Variants in SEPTIN2 observed in about 807,000 individuals in gnomAD.
The protein encoded by SEPTIN2 is septin 2, also known as septin-2.
A neutral mutation model predicts 46.5 loss-of-function variants in SEPTIN2; 34 were observed. The observed-to-expected ratio is 0.73, with a 90% confidence interval of 0.56 to 0.97. SEPTIN2 has a LOEUF of 0.97. Among genes scored for constraint, SEPTIN2 ranks in the 50% least tolerant of loss-of-function variants. SEPTIN2 has a pLI of 0.00. For synonymous variants in SEPTIN2, 175 were observed against 153.4 expected, an observed-to-expected ratio of 1.14 and a Z score of -1.04; for missense variants, 347 against 448.4, an observed-to-expected ratio of 0.77 and a Z score of 2.04.
At chr2:241,318,860 G>C (rs932126203) in intron 1 of SEPTIN2, among the ~76,000 whole-genome samples, 2 of 151,944 alleles carry the variant, frequency 1.3e-5, no homozygotes, top group African/African-American at 2.4e-5. Context: ...ACCACACCTG[G>C]CTAATTTTTG....
intron 7 of SEPTIN2, among the ~76,000 whole-genome samples, chr2:241,340,962 A>C (rs2081184379): frequency 6.6e-6 from 1 of 151,966 alleles, no homozygotes; most frequent in Admixed American, 6.6e-5. Context: ...CCTGTCATCC[A>C]CCTGCAATTG....
chr2:241,332,939 T>C (rs763314055), intron 3 of SEPTIN2, among the ~76,000 whole-genome samples: 1 of 152,156 alleles, frequency 6.6e-6, no homozygotes, highest in Non-Finnish European at 1.5e-5. Flanking sequence ...ACAAAGTAGA[T>C]TGGTGTTTGC....
At chr2:241,339,793 C>T (rs2081004162) in intron 7 of SEPTIN2, among the ~76,000 whole-genome samples, 1 of 152,174 alleles carries the variant, frequency 6.6e-6, no homozygotes, top group African/African-American at 2.4e-5. Flanking sequence ...ACGCTGCACA[C>T]AAGATTTCAC....
chr2:241,336,423 TAGAG>T (rs2079995948), intron 5 of SEPTIN2: 1 of 289,808 alleles, frequency 3.5e-6, no homozygotes, highest in Non-Finnish European at 6.5e-6. Context: ...TGAAACCTGT[TAGAG>T]AGTGGGTTGA....
At position 241,343,696 on chromosome 2, in the gene SEPTIN2, A is replaced by T. The variant is rs991614977; in HGVS notation, c.697-56A>T. ...TCTGTGCTAATGTTCTCGTGTTGCC[A>T]GTGAACTCTGGGGTTCCCTGTGTGG... On this transcript the variant is annotated intron_variant, in intron 8 of 12. Transcript: ENST00000391971. 2.3e-5 allele frequency: 37 copies of T among 1,601,724 alleles called. No homozygotes were observed. In the Admixed American group the frequency reaches 6.2e-4, roughly 27 times the overall value.
intron 7 of SEPTIN2, among the ~76,000 whole-genome samples, chr2:241,342,239 T>G (rs1406847117): frequency 6.6e-6 from 1 of 152,142 alleles, no homozygotes; most frequent in Admixed American, 6.6e-5. Flanking sequence ...GTTTTGTTTT[T>G]TTTTCTTTCT....
At chr2:241,318,702 CTTTT>C (rs1284874061) in intron 1 of SEPTIN2, among the ~76,000 whole-genome samples, 7 of 132,422 alleles carry the variant, frequency 5.3e-5, no homozygotes, top group Admixed American at 1.5e-4. Context: ...TTTGTATTTT[CTTTT>C]TTTTTTTTTT....
At chr2:241,344,902 G>GACATGGTGAAACCAGCCTGGCCA (rs977163529) in intron 9 of SEPTIN2, among the ~76,000 whole-genome samples, 1 of 151,530 alleles carries the variant, frequency 6.6e-6, no homozygotes, top group East Asian at 2.0e-4. Context: ...CAGCCTGGCC[G>GACATGGTGAAACCAGCCTGGCCA]ACATGGTGAA....
chr2:241,347,608 T>A (rs536235732), intron 10 of SEPTIN2, among the ~76,000 whole-genome samples: 6 of 152,244 alleles, frequency 3.9e-5, no homozygotes, highest in Non-Finnish European at 8.8e-5. Flanking sequence ...TTTGAGTGGG[T>A]AACAGCAAGT....
Position 241,352,746 on chromosome 2 carries a change from T to C in SEPTIN2, c.*809T>C, listed in dbSNP as rs2060877271. On this transcript the variant is annotated 3_prime_UTR_variant, in exon 13 of 13. Coordinates refer to ENST00000391971, the MANE Select transcript of SEPTIN2 (RefSeq NM_004404.5). ...ATCAAAGCAGTCATAAGCTCCAGTTTTCGTATTGCAAATAAGACTCTTACC... is the reference window on the plus strand; with the variant it reads ...ATCAAAGCAGTCATAAGCTCCAGTTCTCGTATTGCAAATAAGACTCTTACC... 1.3e-5 allele frequency: 2 copies of C among 152,228 alleles called. No individual in the cohort carries two copies. Among genetic ancestry groups the C allele is most frequent in the Non-Finnish European group, 2.9e-5 (2 of 68,044 alleles). The allele number at this position is 152,228 out of a possible 1,614,324, so 9.4% of individuals were successfully genotyped here. A position where few individuals can be genotyped will look rare whatever the true frequency, so the allele number is the denominator to read the frequency against.
intron 3 of SEPTIN2, among the ~76,000 whole-genome samples, chr2:241,332,838 C>CT (rs373035568): frequency 6.6e-6 from 1 of 152,204 alleles, no homozygotes; most frequent in African/African-American, 2.4e-5. Context: ...AGTCTCAGAG[C>CT]TTTGTTGAGC....
intron 3 of SEPTIN2, among the ~76,000 whole-genome samples, chr2:241,334,631 A>G (rs1451465867): frequency 6.6e-6 from 1 of 152,206 alleles, no homozygotes; most frequent in African/African-American, 2.4e-5. Context: ...GAGGGTGTGC[A>G]TGTGAGCCCA....
chr2:241,338,942 ATATT>A (rs1404439458), intron 7 of SEPTIN2, among the ~76,000 whole-genome samples: 4 of 97,924 alleles, frequency 4.1e-5, no homozygotes, highest in East Asian at 2.5e-4. Flanking sequence ...TTTATTATAT[ATATT>A]ATATATATAA....
intron 7 of SEPTIN2, 116 bp from the exon 8 acceptor site, chr2:241,342,876 G>A: frequency 1.5e-6 from 1 of 645,688 alleles, no homozygotes. Context: ...TTCGTCATCA[G>A]TTTGATTATT....
chr2:241,335,617 A>C (rs1421030325), intron 4 of SEPTIN2: 2 of 584,066 alleles, frequency 3.4e-6, no homozygotes, highest in Admixed American at 6.0e-5. Context: ...CTGTTGAATG[A>C]AATAGGCACA....
intron 3 of SEPTIN2, among the ~76,000 whole-genome samples, chr2:241,328,546 G>A (rs2078402450): frequency 6.6e-6 from 1 of 151,712 alleles, no homozygotes; most frequent in Admixed American, 6.6e-5. Context: ...AGACCAGCCT[G>A]ACCAACATGG....
At position 241,337,507 on chromosome 2, in the gene SEPTIN2, T is replaced by C. The variant is rs963806310; in HGVS notation, c.467T>C (p.Phe156Ser). 2 of 1,613,762 alleles carry C rather than the reference T, an allele frequency of 1.2e-6. No individual in the cohort carries two copies. The highest frequency in any genetic ancestry group is 2.7e-5 in the African/African-American group (2 of 74,900). Reference sequence around the variant, plus strand: ...TGTTGCTTTTACTTTATTTCACCTTTTGGACATGGGTAAGTAATTGTTTAT... The same window carrying C: ...TGTTGCTTTTACTTTATTTCACCTTCTGGACATGGGTAAGTAATTGTTTAT... ...VHCCFYFISP[F>S]GHGLKPLDVA... The change falls in exon 6 of 13, where the codon TTT becomes TCT. Residue 156 changes from phenylalanine to serine, a missense_variant. Phe to Ser is a radical substitution (Grantham distance 155). Coordinates refer to ENST00000391971, the MANE Select transcript of SEPTIN2 (RefSeq NM_004404.5).
At chr2:241,320,303 G>T in intron 1 of SEPTIN2, 1 of 471,096 alleles carries the variant, frequency 2.1e-6, no homozygotes. Context: ...TCTTTAATCA[G>T]CTGCTTAGTG....
At chr2:241,338,820 T>TTTATATATAATACATATTATATTTATA (rs2080676837) in intron 7 of SEPTIN2, among the ~76,000 whole-genome samples, 1 of 106,854 alleles carries the variant, frequency 9.4e-6, no homozygotes, top group Non-Finnish European at 1.7e-5. Context: ...ATTTATATTA[T>TTTATATATAATACATATTATATTTATA]TTATATATAA....
Sources: gnomAD v4.1 joint callset for allele counts (sites outside exome capture counted in the v4.1 genomes callset) on GRCh38, gnomAD v4.1.1 for gene constraint, MANE v1.5 for transcripts, NCBI Gene and HGNC (gene_info 2026-07-23, HGNC 2026-07-21) for gene names.